AKAP19: variants seen among roughly 807,000 people sequenced by gnomAD.
The protein encoded by AKAP19 is small A-kinase anchoring protein.
the AKAP19 span, among the ~76,000 whole-genome samples, chr2:189,942,324 C>T: frequency 6.6e-6 from 1 of 152,170 alleles, no homozygotes; most frequent in South Asian, 2.1e-4. Context: ...TCTCCCTTTG[C>T]CTTCTGCCAT....
chr2:189,881,146 A>G, the AKAP19 span, among the ~76,000 whole-genome samples: 1 of 148,504 alleles, frequency 6.7e-6, no homozygotes, highest in Non-Finnish European at 1.5e-5. Flanking sequence ...ATGAAAAATG[A>G]CTTGAGATTG....
At chr2:190,043,097 T>C in the AKAP19 span, among the ~76,000 whole-genome samples, 1 of 152,214 alleles carries the variant, frequency 6.6e-6, no homozygotes, top group Non-Finnish European at 1.5e-5. Flanking sequence ...GTAGGTGACC[T>C]GCCCTTTCTC....
chr2:190,067,930 G>A, the AKAP19 span, among the ~76,000 whole-genome samples: 3 of 152,002 alleles, frequency 2.0e-5, no homozygotes, highest in South Asian at 2.1e-4. Context: ...GGCCAGGCAC[G>A]GTGGCTCATG....
chr2:190,190,407 T>G, the AKAP19 span, among the ~76,000 whole-genome samples: 1 of 152,232 alleles, frequency 6.6e-6, no homozygotes, highest in Non-Finnish European at 1.5e-5. Context: ...TCAAGTTATA[T>G]TCCATTTTGA....
At chr2:189,941,478 G>T in the AKAP19 span, among the ~76,000 whole-genome samples, 31 of 151,912 alleles carry the variant, frequency 2.0e-4, no homozygotes, top group African/African-American at 5.8e-4. Context: ...ATGTGGGAGG[G>T]TGGCGAGAAT....
the AKAP19 span, among the ~76,000 whole-genome samples, chr2:189,943,089 G>C: frequency 0.014 from 2,105 of 152,298 alleles, 39 homozygotes; most frequent in African/African-American, 0.048. Context: ...AGCTAAAAGA[G>C]AGCCAAGTGC....
chr2:189,973,642 A>C, the AKAP19 span, among the ~76,000 whole-genome samples: 1 of 152,190 alleles, frequency 6.6e-6, no homozygotes, highest in Non-Finnish European at 1.5e-5. Context: ...TAGGCTATTA[A>C]GTATTGCCTC....
At chr2:190,021,270 T>C in the AKAP19 span, among the ~76,000 whole-genome samples, 1 of 152,248 alleles carries the variant, frequency 6.6e-6, no homozygotes, top group Non-Finnish European at 1.5e-5. Flanking sequence ...TTATTGCTAT[T>C]ACAAAAAGCT....
chr2:190,168,180 T>G, the AKAP19 span, among the ~76,000 whole-genome samples: 2 of 152,248 alleles, frequency 1.3e-5, no homozygotes, highest in Non-Finnish European at 2.9e-5. Context: ...CTGTGGAAGC[T>G]GCCAAGGCTT....
the AKAP19 span, among the ~76,000 whole-genome samples, chr2:190,126,274 A>G: frequency 7.5e-6 from 1 of 132,820 alleles, no homozygotes; most frequent in African/African-American, 2.9e-5. Context: ...CTGGCAACAG[A>G]GCGAGATTCC....
chr2:189,911,165 C>T, the AKAP19 span, among the ~76,000 whole-genome samples: 1 of 152,098 alleles, frequency 6.6e-6, no homozygotes, highest in Non-Finnish European at 1.5e-5. Flanking sequence ...ATATGGATAA[C>T]CACATCTTGG....
At chr2:190,119,396 G>A in the AKAP19 span, among the ~76,000 whole-genome samples, 1 of 152,180 alleles carries the variant, frequency 6.6e-6, no homozygotes, top group African/African-American at 2.4e-5. Context: ...GTTTGACTAG[G>A]CATGTCATTC....
the AKAP19 span, among the ~76,000 whole-genome samples, chr2:189,917,955 T>A: frequency 6.6e-6 from 1 of 152,080 alleles, no homozygotes; most frequent in Non-Finnish European, 1.5e-5. Context: ...TTAGTGTTTT[T>A]AAATATCTCT....
At chr2:190,008,900 G>A in the AKAP19 span, among the ~76,000 whole-genome samples, 1 of 152,128 alleles carries the variant, frequency 6.6e-6, no homozygotes, top group African/African-American at 2.4e-5. Context: ...AAGTGATATA[G>A]GGGATTGCAA....
chr2:190,105,235 C>A, the AKAP19 span, among the ~76,000 whole-genome samples: 2 of 152,054 alleles, frequency 1.3e-5, no homozygotes, highest in African/African-American at 4.8e-5. Context: ...AACCTAGGTG[C>A]CCATCGATGG....
At chr2:189,917,709 C>A in the AKAP19 span, 4 of 215,902 alleles carry the variant, frequency 1.9e-5, no homozygotes, top group East Asian at 2.4e-4. Flanking sequence ...TGTTCTTATT[C>A]TTTTACTTTC....
chr2:189,976,350 G>T, the AKAP19 span, among the ~76,000 whole-genome samples: 1 of 152,050 alleles, frequency 6.6e-6, no homozygotes, highest in Non-Finnish European at 1.5e-5. Flanking sequence ...CTTCGTCTCA[G>T]GGGGGTACCA....
chr2:190,184,231 G>T, the AKAP19 span, among the ~76,000 whole-genome samples: 7 of 152,178 alleles, frequency 4.6e-5, no homozygotes, highest in Non-Finnish European at 7.4e-5. Flanking sequence ...ATGGGAGGGA[G>T]TAACAGATAT....
the AKAP19 span, chr2:190,199,656 C>A: frequency 7.7e-7 from 1 of 1,301,700 alleles, no homozygotes; most frequent in Non-Finnish European, 1.0e-6. Flanking sequence ...CACTATTTTG[C>A]ATTCTGTAAC....
Sources: allele counts gnomAD v4.1 joint callset (sites outside exome capture counted in the v4.1 genomes callset), GRCh38; gene constraint gnomAD v4.1.1; transcripts MANE v1.5; gene names NCBI Gene and HGNC (gene_info 2026-07-23, HGNC 2026-07-21).